Variants in SMYD3 observed in about 807,000 individuals in gnomAD.
The protein encoded by SMYD3 is SET and MYND domain containing 3.
In SMYD3, 36 loss-of-function variants were observed where a neutral mutation model predicts 57.7. That is an observed-to-expected ratio of 0.62 (90% CI 0.48 to 0.82). The LOEUF is 0.82. Ranked by LOEUF, SMYD3 falls within the 40% of genes least tolerant of loss-of-function variation. The pLI is 0.00. For synonymous variants in SMYD3, 211 were observed against 195.0 expected (o/e 1.08, Z -0.68); for missense variants, 515 against 538.8 (o/e 0.96, Z 0.44).
chr1:246,067,312 A>C (rs2060359856), intron 5 of SMYD3, among the ~76,000 whole-genome samples: 1 of 152,200 alleles, frequency 6.6e-6, no homozygotes, highest in Non-Finnish European at 1.5e-5. Context: ...TCTTAATTAG[A>C]ACAGTATTTG....
intron 10 of SMYD3, among the ~76,000 whole-genome samples, chr1:245,767,973 A>G (rs1026352819): frequency 6.6e-6 from 1 of 152,232 alleles, no homozygotes; most frequent in African/African-American, 2.4e-5. Context: ...TCAACAGAAA[A>G]GAAGGACTTG....
intron 5 of SMYD3, among the ~76,000 whole-genome samples, chr1:245,940,271 T>C (rs2057178633): frequency 6.6e-6 from 1 of 152,228 alleles, no homozygotes; most frequent in African/African-American, 2.4e-5. Context: ...GCACCTGCTC[T>C]GCCAAGGGGC....
chr1:245,806,626 G>A (rs1463008449), intron 10 of SMYD3, among the ~76,000 whole-genome samples: 2 of 151,988 alleles, frequency 1.3e-5, no homozygotes, highest in Admixed American at 6.6e-5. Flanking sequence ...AAAAGAGGGA[G>A]AAGGCCGGGC....
rs560536275 is a variant in SMYD3, at chr1:246,006,173, T to C, written c.532-76236A>G. 3.3e-3 allele frequency among the ~76,000 whole-genome samples: 496 copies of C among 152,282 alleles called. 2 individuals carry two copies. Among genetic ancestry groups the C allele is most frequent in the African/African-American group, 0.011 (466 of 41,550 alleles). On this transcript the variant is annotated intron_variant, in intron 5 of 11. Coordinates refer to ENST00000490107, the MANE Select transcript of SMYD3 (RefSeq NM_001167740.2). Reference sequence around the variant, plus strand: ...ACTGCTAAAAGAAATCTAACCTATATGTCATGGTCCCCCAAAGCCCCAAAG... The same window carrying C: ...ACTGCTAAAAGAAATCTAACCTATACGTCATGGTCCCCCAAAGCCCCAAAG...
chr1:245,934,562 G>A (rs918700090), intron 5 of SMYD3, among the ~76,000 whole-genome samples: 1 of 152,026 alleles, frequency 6.6e-6, no homozygotes, highest in African/African-American at 2.4e-5. Context: ...CTGTCCCATT[G>A]CCTCTTTTGG....
intron 5 of SMYD3, among the ~76,000 whole-genome samples, chr1:246,170,889 C>T (rs188982169): frequency 4.6e-5 from 7 of 152,190 alleles, no homozygotes; most frequent in Admixed American, 2.0e-4. Flanking sequence ...TGTTTGTGAC[C>T]GCTAAATACT....
In SMYD3 at chr1:246,167,348, C is replaced by T. The variant is rs570146678; in HGVS notation, c.531+159853G>A. On this transcript the variant is annotated intron_variant, in intron 5 of 11. Coordinates refer to ENST00000490107, the MANE Select transcript of SMYD3 (RefSeq NM_001167740.2). ...ATCAACTTTTTAAGGAAGTGGATTCCACAGTGGCTACCACACTGTACATTC... is the reference window on the plus strand; with the variant it reads ...ATCAACTTTTTAAGGAAGTGGATTCTACAGTGGCTACCACACTGTACATTC... 2.0e-4 allele frequency among the ~76,000 whole-genome samples: 31 copies of T among 152,116 alleles called. No homozygotes were observed. In the South Asian group the frequency reaches 3.5e-3, roughly 17 times the overall value.
At chr1:246,125,083 A>ACAC (rs770348655) in intron 5 of SMYD3, among the ~76,000 whole-genome samples, 1 of 109,542 alleles carries the variant, frequency 9.1e-6, no homozygotes, top group African/African-American at 2.7e-5. Context: ...AAAAAAAAAA[A>ACAC]AAAAACACAC....
At chr1:245,798,333 A>G (rs1301978018) in intron 10 of SMYD3, among the ~76,000 whole-genome samples, 1 of 48,524 alleles carries the variant, frequency 2.1e-5, no homozygotes, top group Non-Finnish European at 6.2e-5. Context: ...CCCATGGGGA[A>G]GGGCAGACTG....
chr1:245,854,654 C>T (rs2148465107), intron 10 of SMYD3, among the ~76,000 whole-genome samples: 1 of 152,100 alleles, frequency 6.6e-6, no homozygotes, highest in Admixed American at 6.5e-5. Context: ...GCTTCCCTTC[C>T]TTTTCTCTAA....
At chr1:246,076,904 T>G (rs945574177) in intron 5 of SMYD3, among the ~76,000 whole-genome samples, 5 of 152,196 alleles carry the variant, frequency 3.3e-5, no homozygotes, top group African/African-American at 1.2e-4. Context: ...ACATAGGATA[T>G]ATATACATAA....
intron 5 of SMYD3, among the ~76,000 whole-genome samples, chr1:246,247,410 CCT>C (rs67152532): frequency 0.21 from 30,751 of 149,318 alleles, 3,938 homozygotes; most frequent in East Asian, 0.58. Context: ...ACAGATTTTG[CCT>C]CTAGCACTGT....
At chr1:246,065,215 T>C (rs959333403) in intron 5 of SMYD3, among the ~76,000 whole-genome samples, 3 of 152,222 alleles carry the variant, frequency 2.0e-5, no homozygotes, top group African/African-American at 7.2e-5. Flanking sequence ...TTCCTCCTAG[T>C]TCTTCAGCTC....
intron 5 of SMYD3, among the ~76,000 whole-genome samples, chr1:246,139,680 T>C (rs2061721540): frequency 1.3e-5 from 2 of 152,222 alleles, no homozygotes; most frequent in South Asian, 4.1e-4. Flanking sequence ...TATGTGCTAA[T>C]ATTACACAGA....
At chr1:246,014,584 C>A (rs1038601587) in intron 5 of SMYD3, among the ~76,000 whole-genome samples, 1 of 152,064 alleles carries the variant, frequency 6.6e-6, no homozygotes, top group Non-Finnish European at 1.5e-5. Flanking sequence ...CATAACAGAT[C>A]TTTTGTAAAG....
chr1:246,134,711 T>C (rs886678453), intron 5 of SMYD3, among the ~76,000 whole-genome samples: 2 of 152,020 alleles, frequency 1.3e-5, no homozygotes, highest in Non-Finnish European at 2.9e-5. Flanking sequence ...CATAAGACCC[T>C]CTGACTTTTA....
intron 5 of SMYD3, among the ~76,000 whole-genome samples, chr1:246,321,225 G>A (rs748214130): frequency 3.9e-5 from 6 of 152,168 alleles, no homozygotes; most frequent in East Asian, 1.9e-4. Context: ...GGCAGACTGC[G>A]CTCTTGGCTA....
At chr1:246,374,837 T>G (rs534828830) in intron 1 of SMYD3, among the ~76,000 whole-genome samples, 1 of 144,070 alleles carries the variant, frequency 6.9e-6, no homozygotes, top group African/African-American at 2.6e-5. Flanking sequence ...TCACGTCTGT[T>G]ATCCCAGCAG....
intron 10 of SMYD3, among the ~76,000 whole-genome samples, chr1:245,816,953 G>A (rs192642060): frequency 0.03 from 4,497 of 151,112 alleles, 223 homozygotes; most frequent in African/African-American, 0.098. Context: ...ACTGCAAGGC[G>A]GCAGCGAGGC....
Sources: gnomAD v4.1 joint callset for allele counts (sites outside exome capture counted in the v4.1 genomes callset) on GRCh38, gnomAD v4.1.1 for gene constraint, MANE v1.5 for transcripts, NCBI Gene and HGNC (gene_info 2026-07-23, HGNC 2026-07-21) for gene names.